Variants in CDKAL1 observed in about 807,000 individuals in gnomAD.
The protein encoded by CDKAL1 is CDKAL1 threonylcarbamoyladenosine tRNA methylthiotransferase.
A neutral mutation model predicts 68.2 loss-of-function variants in CDKAL1; 32 were observed. The ratio of observed to expected loss-of-function variants is 0.47; its 90% confidence interval spans 0.35 to 0.63. The LOEUF is 0.63. Ranked by LOEUF, CDKAL1 falls within the 30% of genes least tolerant of loss-of-function variation. CDKAL1 has a pLI of 0.00. For synonymous variants in CDKAL1, 234 were observed against 244.3 expected (o/e 0.96, Z 0.39); for missense variants, 606 against 696.7 (o/e 0.87, Z 1.47).
At chr6:20,838,288 G>T (rs577116192) in intron 8 of CDKAL1, among the ~76,000 whole-genome samples, 6 of 151,906 alleles carry the variant, frequency 3.9e-5, no homozygotes, top group African/African-American at 1.2e-4. Context: ...TTCCTGTTTC[G>T]TTTTCAGCTT....
chr6:20,933,047 C>T (rs1270528646), intron 9 of CDKAL1, among the ~76,000 whole-genome samples: 2 of 152,150 alleles, frequency 1.3e-5, no homozygotes, highest in African/African-American at 4.8e-5. Context: ...CCCTGGTTGG[C>T]AGAATTTCAA....
chr6:21,030,666 T>C (rs1769232833), intron 11 of CDKAL1, among the ~76,000 whole-genome samples: 1 of 152,202 alleles, frequency 6.6e-6, no homozygotes, highest in Non-Finnish European at 1.5e-5. Flanking sequence ...ATCAAATCTC[T>C]TCTTTCGATG....
Position 20,608,730 on chromosome 6 carries a change from A to G in CDKAL1, c.287-40563A>G, listed in dbSNP as rs1766444362. On this transcript the variant is annotated intron_variant, in intron 4 of 15. Coordinates refer to ENST00000274695, the MANE Select transcript of CDKAL1 (RefSeq NM_017774.3). ...TGCTACCTTGGGGAACCAGGTCAGG[A>G]AAGAACATGATAATGCTTGTTCGGC... Among the ~76,000 whole-genome samples, 7 of 152,232 alleles carry G rather than the reference A, an allele frequency of 4.6e-5. No individual in the cohort carries two copies. In the South Asian group the frequency reaches 1.4e-3, roughly 32 times the overall value.
chr6:21,213,974 G>C (rs147985243), intron 15 of CDKAL1, among the ~76,000 whole-genome samples: 2 of 152,308 alleles, frequency 1.3e-5, no homozygotes, highest in African/African-American at 4.8e-5. Flanking sequence ...GTATGTAGTA[G>C]AATGGAATTT....
chr6:20,948,010 CTTTTTTTTTTTTT>C (rs541978769), intron 9 of CDKAL1, among the ~76,000 whole-genome samples: 2 of 115,182 alleles, frequency 1.7e-5, no homozygotes, highest in Admixed American at 1.9e-4. Flanking sequence ...GTGAAGGTCA[CTTTTTTTTTTTTT>C]TTTTTTTTTA....
chr6:20,743,270 C>A (rs72832315), intron 6 of CDKAL1, among the ~76,000 whole-genome samples: 18,013 of 152,100 alleles, frequency 0.12, 1,407 homozygotes, highest in East Asian at 0.34. Context: ...TAACTGCATT[C>A]TTTGCTTTTA....
chr6:20,831,930 C>A (rs1165197334), intron 8 of CDKAL1, among the ~76,000 whole-genome samples: 1 of 152,126 alleles, frequency 6.6e-6, no homozygotes, highest in Non-Finnish European at 1.5e-5. Context: ...TGATTGCTCT[C>A]AATCGGTCAT....
At chr6:21,193,304 AAG>A (rs137984788) in intron 13 of CDKAL1, among the ~76,000 whole-genome samples, 59 of 149,796 alleles carry the variant, frequency 3.9e-4, no homozygotes, top group Admixed American at 6.7e-4. Context: ...ACTGTTTAAA[AAG>A]AGAGAGAGAG....
intron 4 of CDKAL1, among the ~76,000 whole-genome samples, chr6:20,609,952 C>G (rs1293327425): frequency 1.3e-5 from 2 of 152,026 alleles, no homozygotes; most frequent in Non-Finnish European, 2.9e-5. Flanking sequence ...TCTAATAAGC[C>G]CCAGTGTGCG....
At chr6:20,567,056 G>A (rs1449193343) in intron 4 of CDKAL1, among the ~76,000 whole-genome samples, 1 of 151,502 alleles carries the variant, frequency 6.6e-6, no homozygotes, top group African/African-American at 2.4e-5. Context: ...TGTTCTTTTC[G>A]CTTTGTCTTG....
At chr6:20,804,819 T>G (rs1216197966) in intron 8 of CDKAL1, among the ~76,000 whole-genome samples, 1 of 152,126 alleles carries the variant, frequency 6.6e-6, no homozygotes, top group Non-Finnish European at 1.5e-5. Context: ...TTCCCTAAGC[T>G]GATAAAAGCA....
chr6:21,135,773 C>T, intron 13 of CDKAL1: 2 of 883,416 alleles, frequency 2.3e-6, no homozygotes, highest in Non-Finnish European at 2.7e-6. Context: ...GCCAGAAAGA[C>T]AGCTTTCAAG....
chr6:20,737,162 A>G (rs1249197568), intron 5 of CDKAL1, among the ~76,000 whole-genome samples: 1 of 151,758 alleles, frequency 6.6e-6, no homozygotes, highest in Non-Finnish European at 1.5e-5. Context: ...CTCCATCTCC[A>G]TTTTTCCTAC....
chr6:20,641,719 C>A (rs960674587), intron 4 of CDKAL1, among the ~76,000 whole-genome samples: 1 of 152,252 alleles, frequency 6.6e-6, no homozygotes, highest in East Asian at 1.9e-4. Flanking sequence ...AGCTGCAGTC[C>A]CGTAATTTAT....
intron 4 of CDKAL1, among the ~76,000 whole-genome samples, chr6:20,551,172 T>C (rs1340569520): frequency 6.6e-6 from 1 of 151,424 alleles, no homozygotes; most frequent in Non-Finnish European, 1.5e-5. Context: ...GCCTGAGAGG[T>C]TGCGTCTTAT....
chr6:20,690,403 T>G (rs1056371249), intron 5 of CDKAL1, among the ~76,000 whole-genome samples: 5 of 152,160 alleles, frequency 3.3e-5, no homozygotes, highest in African/African-American at 1.2e-4. Context: ...TTGATGAAGG[T>G]GGAATTTTCG....
chr6:20,926,672 G>A (rs1413264323), intron 9 of CDKAL1, among the ~76,000 whole-genome samples: 1 of 151,924 alleles, frequency 6.6e-6, no homozygotes, highest in Admixed American at 6.6e-5. Context: ...GTACTCATTC[G>A]ATACGTATGC....
chr6:21,079,730 T>C (rs1057251768), intron 12 of CDKAL1, among the ~76,000 whole-genome samples: 3 of 152,202 alleles, frequency 2.0e-5, no homozygotes, highest in Admixed American at 6.5e-5. Context: ...TGACATTATC[T>C]TCCCTAATGG....
chr6:20,670,861 C>T (rs891138346), intron 5 of CDKAL1, among the ~76,000 whole-genome samples: 2 of 152,150 alleles, frequency 1.3e-5, no homozygotes, highest in Non-Finnish European at 2.9e-5. Flanking sequence ...AAATCTTCGT[C>T]ATTCTTTCTT....
Sources: gnomAD v4.1 joint callset for allele counts (sites outside exome capture counted in the v4.1 genomes callset) on GRCh38, gnomAD v4.1.1 for gene constraint, MANE v1.5 for transcripts, NCBI Gene and HGNC (gene_info 2026-07-23, HGNC 2026-07-21) for gene names.